The following MACROD2 variants were observed in gnomAD, a reference collection of about 807,000 sequenced individuals.
The protein encoded by MACROD2 is ADP-ribose glycohydrolase MACROD2.
In MACROD2, 36 loss-of-function variants were observed where a neutral mutation model predicts 70.4. That is an observed-to-expected ratio of 0.51 (90% CI 0.39 to 0.68). MACROD2 has a LOEUF of 0.68. Ranked by LOEUF, MACROD2 falls within the 30% of genes least tolerant of loss-of-function variation. The pLI is 0.00. For missense variants in MACROD2, 496 were observed against 538.4 expected, an observed-to-expected ratio of 0.92 and a Z score of 0.78; for synonymous variants, 172 against 178.8, an observed-to-expected ratio of 0.96 and a Z score of 0.30.
intron 10 of MACROD2, among the ~76,000 whole-genome samples, chr20:15,923,557 AGGAATTGATT>A (rs1013764139): frequency 2.0e-5 from 3 of 152,108 alleles, no homozygotes; most frequent in Non-Finnish European, 4.4e-5. Flanking sequence ...AGCATCACCC[AGGAATTGATT>A]GGAATTGCAG....
chr20:14,659,393 A>G (rs1174101306), intron 4 of MACROD2, among the ~76,000 whole-genome samples: 1 of 152,094 alleles, frequency 6.6e-6, no homozygotes, highest in Non-Finnish European at 1.5e-5. Context: ...CAATATAATA[A>G]TGTCAGTTCT....
At chr20:15,368,759 G>A (rs887473687) in intron 6 of MACROD2, among the ~76,000 whole-genome samples, 4 of 152,026 alleles carry the variant, frequency 2.6e-5, no homozygotes, top group Admixed American at 6.6e-5. Context: ...CACCACGCCC[G>A]GCCCAATCAC....
intron 3 of MACROD2, among the ~76,000 whole-genome samples, chr20:14,428,364 A>G (rs2083958627): frequency 1.3e-5 from 2 of 152,262 alleles, no homozygotes; most frequent in African/African-American, 4.8e-5. Context: ...ATAGTCAGGA[A>G]GAATCCCTCA....
At chr20:15,607,068 C>A (rs563135997) in intron 8 of MACROD2, among the ~76,000 whole-genome samples, 17 of 151,024 alleles carry the variant, frequency 1.1e-4, no homozygotes, top group African/African-American at 4.1e-4. Context: ...ATTATCCCGG[C>A]ACTTTGGGAG....
At chr20:15,655,960 T>A (rs923417560) in intron 8 of MACROD2, among the ~76,000 whole-genome samples, 1 of 152,234 alleles carries the variant, frequency 6.6e-6, no homozygotes, top group Non-Finnish European at 1.5e-5. Flanking sequence ...CATCATTTAG[T>A]GAAATGTTAT....
intron 8 of MACROD2, among the ~76,000 whole-genome samples, chr20:15,802,794 A>G (rs965570297): frequency 6.6e-6 from 1 of 152,084 alleles, no homozygotes; most frequent in Admixed American, 6.5e-5. Flanking sequence ...GAAAAAAGAT[A>G]ATATATCCAA....
In MACROD2 at chr20:14,446,252, T is replaced by G. The variant is rs182450593; in HGVS notation, c.272-47227T>G. Reference sequence around the variant, plus strand: ...ATAGTAATAGTATAAATAATAAATATTTTCTGCTATTCACTGCTTATATTA... The same window carrying G: ...ATAGTAATAGTATAAATAATAAATAGTTTCTGCTATTCACTGCTTATATTA... On this transcript the variant is annotated intron_variant, in intron 3 of 17. Transcript: ENST00000684519. Among the ~76,000 whole-genome samples the G allele has an allele frequency of 2.6e-5, 4 of 152,182 alleles. No individual in the cohort carries two copies. In the East Asian group the frequency reaches 7.7e-4, roughly 29 times the overall value.
chr20:14,536,626 GGTGT>G lies in MACROD2; in HGVS notation c.301+43152_301+43155del, dbSNP rs11471542. Among the ~76,000 whole-genome samples, 1,049 of 139,138 alleles carry G rather than the reference GGTGT, an allele frequency of 7.5e-3. 15 individuals are homozygous for G. Among genetic ancestry groups the G allele is most frequent in the African/African-American group, 0.022 (877 of 39,654 alleles). 91.3% of individuals were successfully genotyped at this position (139,138 alleles called of 152,430 possible). A position where few individuals can be genotyped will look rare whatever the true frequency, so the allele number is the denominator to read the frequency against. On this transcript the variant is annotated intron_variant, in intron 4 of 17. Transcript: ENST00000684519. ...GGGCTGAAACCCAATAGGTAACATT[GGTGT>G]GTGTGTGTGTGTGTGTGTGTGTGTG... is the stretch of plus-strand genomic sequence containing the variant.
rs117757761 is a variant in MACROD2 at position 14,989,143 on chromosome 20, T to G, written c.419-240797T>G. On this transcript the variant is annotated intron_variant, in intron 5 of 17. Transcript: ENST00000684519. ...TAGCGACATATAGAATTTTAGCTTT[T>G]TTGGAAACAATCCCAATTATTTCAT... 3.7e-3 allele frequency among the ~76,000 whole-genome samples: 569 copies of G among 152,312 alleles called. 4 individuals carry two copies. Among genetic ancestry groups the G allele is most frequent in the Middle Eastern group, 0.014 (4 of 294 alleles).
chr20:15,566,869 G>C (rs543876389), intron 8 of MACROD2, among the ~76,000 whole-genome samples: 1 of 152,000 alleles, frequency 6.6e-6, no homozygotes, highest in Non-Finnish European at 1.5e-5. Flanking sequence ...GTTTCCTTTC[G>C]TAGTTCTTAC....
At chr20:14,801,537 C>T (rs2122141275) in intron 5 of MACROD2, among the ~76,000 whole-genome samples, 1 of 152,108 alleles carries the variant, frequency 6.6e-6, no homozygotes, top group Non-Finnish European at 1.5e-5. Flanking sequence ...GTTTTTTATA[C>T]AGTAATAGCT....
intron 6 of MACROD2, among the ~76,000 whole-genome samples, chr20:15,274,081 G>A (rs559118294): frequency 1.3e-5 from 2 of 152,286 alleles, no homozygotes; most frequent in East Asian, 3.9e-4. Context: ...AAGCAGCATT[G>A]CCTCATGACT....
In MACROD2 at chr20:15,381,341, A is replaced by G. The variant is rs2146278594; in HGVS notation, c.541-50064A>G. Among the ~76,000 whole-genome samples, 2 of 152,000 alleles carry G rather than the reference A, an allele frequency of 1.3e-5. 1 individual carries two copies. Among genetic ancestry groups the G allele is most frequent in the South Asian group, 4.2e-4 (2 of 4,780 alleles). On this transcript the variant is annotated intron_variant, in intron 6 of 17. Coordinates refer to ENST00000684519, the MANE Select transcript of MACROD2 (RefSeq NM_001351661.2). ...AAGGGACACTTTACTAAGGCCACCG[A>G]GAGAGCACAGACTATATCCCCCACA... is the stretch of plus-strand genomic sequence containing the variant.
chr20:15,135,146 C>CTGGTACCAT (rs2076136937), intron 5 of MACROD2, among the ~76,000 whole-genome samples: 1 of 151,686 alleles, frequency 6.6e-6, no homozygotes, highest in East Asian at 1.9e-4. Flanking sequence ...CAAGGAGGAG[C>CTGGTACCAT]TGGTACCATT....
chr20:15,411,834 G>A (rs555144725), intron 6 of MACROD2, among the ~76,000 whole-genome samples: 3 of 152,158 alleles, frequency 2.0e-5, no homozygotes, highest in African/African-American at 7.2e-5. Context: ...TGAAGCCCAG[G>A]ATTAATCCAT....
intron 6 of MACROD2, among the ~76,000 whole-genome samples, chr20:15,377,295 C>A (rs1269342843): frequency 6.6e-6 from 1 of 151,886 alleles, no homozygotes; most frequent in Admixed American, 6.6e-5. Context: ...TCTTCCTACT[C>A]ACTGGTCTCC....
At chr20:15,303,190 A>T (rs1397485239) in intron 6 of MACROD2, among the ~76,000 whole-genome samples, 2 of 152,176 alleles carry the variant, frequency 1.3e-5, no homozygotes, top group Non-Finnish European at 1.5e-5. Flanking sequence ...TTTCTTTCTG[A>T]ACATTTCAAT....
intron 2 of MACROD2, among the ~76,000 whole-genome samples, chr20:14,012,677 G>A (rs2052928934): frequency 6.6e-6 from 1 of 152,136 alleles, no homozygotes; most frequent in Non-Finnish European, 1.5e-5. Flanking sequence ...GGTCTGTGAT[G>A]TTATTCAGGT....
At chr20:14,701,671 C>T (rs1568746671) in intron 5 of MACROD2, among the ~76,000 whole-genome samples, 3 of 152,038 alleles carry the variant, frequency 2.0e-5, no homozygotes, top group South Asian at 2.1e-4. Flanking sequence ...GATGAGAGTC[C>T]GTGCAATTTT....
Sources: allele counts gnomAD v4.1 joint callset (sites outside exome capture counted in the v4.1 genomes callset), GRCh38; gene constraint gnomAD v4.1.1; transcripts MANE v1.5; gene names NCBI Gene and HGNC (gene_info 2026-07-23, HGNC 2026-07-21).